VPS54: variants seen among roughly 807,000 people sequenced by gnomAD.
VPS54 encodes vacuolar protein sorting-associated protein 54.
VPS54 carries 45 observed loss-of-function variants against 121.5 expected under a neutral mutation model. The ratio of observed to expected loss-of-function variants is 0.37; its 90% CI spans 0.29 to 0.47. VPS54 has a LOEUF of 0.47. Among genes scored for constraint, VPS54 ranks in the 20% least tolerant of loss-of-function variants. The probability of loss-of-function intolerance (pLI) is 0.99; values close to 1 mark genes in which losing one functional copy is unlikely to be tolerated. For missense variants in VPS54, 1,090 were observed against 1,131.4 expected (o/e 0.96, Z 0.52); for synonymous variants, 371 against 385.8 (o/e 0.96, Z 0.45).
intron 2 of VPS54, among the ~76,000 whole-genome samples, chr2:63,983,444 A>ATTT (rs58336872): frequency 0.02 from 2,388 of 120,108 alleles, 37 homozygotes; most frequent in South Asian, 0.064. Context: ...GCCCCAAATG[A>ATTT]TTTTTTTTTT....
chr2:63,895,253 T>TA (rs1672398568), intron 22 of VPS54, among the ~76,000 whole-genome samples: 1 of 151,988 alleles, frequency 6.6e-6, no homozygotes. Context: ...GTCAGGAGTT[T>TA]AAGACCAGCC....
At chr2:63,973,674 A>C (rs1023701965) in intron 3 of VPS54, among the ~76,000 whole-genome samples, 2 of 152,056 alleles carry the variant, frequency 1.3e-5, no homozygotes, top group Non-Finnish European at 2.9e-5. Context: ...CAGAGCAGCT[A>C]GGACTACAGG....
At chr2:63,965,024 T>A (rs1675927550) in intron 6 of VPS54, among the ~76,000 whole-genome samples, 1 of 152,190 alleles carries the variant, frequency 6.6e-6, no homozygotes, top group Non-Finnish European at 1.5e-5. Flanking sequence ...TGCTGACTAG[T>A]AACATGTAAA....
At chr2:63,972,852 T>C (rs940234901) in intron 3 of VPS54, among the ~76,000 whole-genome samples, 1 of 150,682 alleles carries the variant, frequency 6.6e-6, no homozygotes, top group Non-Finnish European at 1.5e-5. Context: ...CACTCCAGCC[T>C]GGGTGGCAGA....
intron 15 of VPS54, among the ~76,000 whole-genome samples, 185 bp downstream of exon 15, chr2:63,919,698 C>A (rs903704419): frequency 2.0e-5 from 3 of 152,026 alleles, no homozygotes; most frequent in African/African-American, 7.2e-5. Flanking sequence ...ATGGTTATAA[C>A]ACGCAATAAA....
intron 11 of VPS54, among the ~76,000 whole-genome samples, chr2:63,940,519 T>C (rs1396027757): frequency 6.6e-6 from 1 of 152,212 alleles, no homozygotes; most frequent in African/African-American, 2.4e-5. Flanking sequence ...TTAATCTGAA[T>C]GATAGATTCT....
chr2:63,913,880 C>G, intron 17 of VPS54: 1 of 1,124,132 alleles, frequency 8.9e-7, no homozygotes, highest in Non-Finnish European at 1.1e-6. Flanking sequence ...ACATTTGAAG[C>G]CAGTCCAGGT....
intron 3 of VPS54, among the ~76,000 whole-genome samples, chr2:63,978,160 G>C (rs562177896): frequency 1.1e-4 from 16 of 152,200 alleles, no homozygotes; most frequent in African/African-American, 2.4e-4. Context: ...GTTTGCTAAG[G>C]TTTTTTGTTG....
intron 9 of VPS54, among the ~76,000 whole-genome samples, chr2:63,946,492 T>C (rs1050004792): frequency 2.6e-5 from 4 of 152,120 alleles, no homozygotes; most frequent in African/African-American, 7.2e-5. Flanking sequence ...AATTTAAAAA[T>C]AGTGTTTTAA....
intron 1 of VPS54, among the ~76,000 whole-genome samples, chr2:64,008,715 G>A (rs2104697421): frequency 6.6e-6 from 1 of 152,214 alleles, no homozygotes; most frequent in Non-Finnish European, 1.5e-5. Flanking sequence ...AGGCTCTGAA[G>A]GTTCTGTGAA....
intron 1 of VPS54, among the ~76,000 whole-genome samples, chr2:64,000,154 C>G (rs532014107): frequency 2.6e-5 from 4 of 152,264 alleles, no homozygotes; most frequent in African/African-American, 9.6e-5. Context: ...GCCACCACAC[C>G]CGGCCGATCA....
intron 12 of VPS54, among the ~76,000 whole-genome samples, chr2:63,923,099 G>A (rs970768282): frequency 1.3e-5 from 2 of 152,048 alleles, no homozygotes; most frequent in Non-Finnish European, 2.9e-5. Flanking sequence ...AGATCATGAG[G>A]TCAGGAGACC....
chr2:63,913,165 AG>A (rs1376630388), intron 18 of VPS54, 57 bp downstream of exon 18: 1 of 1,346,414 alleles, frequency 7.4e-7, no homozygotes, highest in African/African-American at 1.5e-5. Context: ...AAACATGATG[AG>A]AACAGTGACA....
At chr2:63,996,179 T>C (rs1376706887) in intron 1 of VPS54, among the ~76,000 whole-genome samples, 1 of 152,228 alleles carries the variant, frequency 6.6e-6, no homozygotes, top group Non-Finnish European at 1.5e-5. Context: ...GCTGAAGCCA[T>C]GGCAGAAGAA....
intron 12 of VPS54, among the ~76,000 whole-genome samples, chr2:63,926,929 G>A (rs989043143): frequency 6.6e-6 from 1 of 152,206 alleles, no homozygotes; most frequent in Non-Finnish European, 1.5e-5. Context: ...GAGCTTGGTG[G>A]GGGGAGAGGC....
chr2:63,899,263 T>C (rs554593545), intron 21 of VPS54, among the ~76,000 whole-genome samples: 1 of 152,304 alleles, frequency 6.6e-6, no homozygotes, highest in East Asian at 1.9e-4. Context: ...TATAATATAG[T>C]AAAGCTCTAG....
At chr2:63,926,985 G>A (rs1273586481) in intron 12 of VPS54, among the ~76,000 whole-genome samples, 1 of 152,180 alleles carries the variant, frequency 6.6e-6, no homozygotes. Context: ...TGCTCAGAGT[G>A]TAAACAAAGC....
chr2:63,949,023 G>A lies in VPS54; in HGVS notation c.1137+14C>T. 6.2e-7 allele frequency: 1 copy of A among 1,608,900 alleles called. No individual in the cohort carries two copies. The highest frequency in any genetic ancestry group is 8.5e-7 in the Non-Finnish European group (1 of 1,178,306). ...GCAATGGCATCAACTTCATTCCACAGTTAAAACACATACCTCTTCTAAAAC... is the reference window on the plus strand; with the variant it reads ...GCAATGGCATCAACTTCATTCCACAATTAAAACACATACCTCTTCTAAAAC... On this transcript the variant is annotated intron_variant, in intron 8 of 22. Coordinates refer to ENST00000272322, the MANE Select transcript of VPS54 (RefSeq NM_016516.3).
At chr2:63,958,043 A>T (rs548746265) in intron 7 of VPS54, among the ~76,000 whole-genome samples, 1 of 152,324 alleles carries the variant, frequency 6.6e-6, no homozygotes, top group East Asian at 1.9e-4. Flanking sequence ...AAAAAAAAAG[A>T]GTGGAATAAA....
Sources: allele counts gnomAD v4.1 joint callset (sites outside exome capture counted in the v4.1 genomes callset), GRCh38; gene constraint gnomAD v4.1.1; transcripts MANE v1.5; gene names NCBI Gene and HGNC (gene_info 2026-07-23, HGNC 2026-07-21).